The following GRIA1 variants were observed in gnomAD, a reference collection of about 807,000 sequenced individuals.
The protein encoded by GRIA1 is glutamate receptor 1.
GRIA1 carries 31 observed loss-of-function variants against 99.2 expected under a neutral mutation model. The ratio of observed to expected loss-of-function variants is 0.31; its 90% CI spans 0.23 to 0.42. The LOEUF is 0.42. GRIA1 is among the 10% of genes least tolerant of loss of function. GRIA1 has a pLI of 1.00. For synonymous variants in GRIA1, 438 were observed against 432.4 expected (o/e 1.01, Z -0.16); for missense variants, 782 against 1,157.5 (o/e 0.68, Z 4.71).
chr5:153,582,274 C>A (rs1169841538), intron 2 of GRIA1, among the ~76,000 whole-genome samples: 1 of 152,122 alleles, frequency 6.6e-6, no homozygotes, highest in Non-Finnish European at 1.5e-5. Flanking sequence ...GGGACCTTGG[C>A]AAATTATAGC....
Position 153,650,330 on chromosome 5 carries a change from G to C in GRIA1, c.461G>C (p.Gly154Ala), listed in dbSNP as rs751584502. The change falls in exon 4 of 16, where the codon GGC becomes GCC. Residue 154 changes from glycine to alanine, a missense_variant and splice_region_variant. Physicochemically the swap from Gly to Ala is moderately conservative, Grantham distance 60. Around this residue, in one of 5 missense-constraint regions of GRIA1, gnomAD observed 461 missense variants for 521.7 expected, o/e 0.88. Transcript: ENST00000285900. The stretch of plus-strand genomic sequence containing the variant: ...TCTCTTCTACTCATCTGAACTTTAG[G>C]CTTATCCGTCCTGCAGAAAGTCCTG... The part of the protein sequence containing the change: ...KFVYIYDADR[G>A]LSVLQKVLDT... 1.2e-6 allele frequency: 2 copies of C among 1,613,090 alleles called. No individual in the cohort carries two copies. The highest frequency in any genetic ancestry group is 3.3e-5 in the Admixed American group (2 of 59,956).
intron 5 of GRIA1, among the ~76,000 whole-genome samples, chr5:153,658,577 G>T (rs539721403): frequency 6.6e-6 from 1 of 152,260 alleles, no homozygotes; most frequent in South Asian, 2.1e-4. Flanking sequence ...AAACATAGTC[G>T]AGTATGTGGT....
At position 153,646,958 on chromosome 5, in the gene GRIA1, C is replaced by T. The variant is rs773903693; in HGVS notation, c.251C>T (p.Ala84Val). The T allele has an allele frequency of 1.9e-6, 3 of 1,613,700 alleles. No individual in the cohort carries two copies. The South Asian group carries it at 3.3e-5, about 18-fold the overall frequency. Residue 84 changes from alanine (A) to valine (V), a missense_variant, in exon 3 of 16, where the codon GCC becomes GTC. This residue lies in a region of GRIA1 where 461 missense variants were observed against 521.7 expected (regional missense o/e 0.88). Transcript: ENST00000285900. The stretch of plus-strand genomic sequence containing the variant: ...TCCCAGTTCTCCAAAGGAGTCTATG[C>T]CATCTTTGGGTTTTATGAACGTAGG... ...FCSQFSKGVY[A>V]IFGFYERRTV...
intron 4 of GRIA1, among the ~76,000 whole-genome samples, chr5:153,651,854 A>G (rs549303227): frequency 3.9e-5 from 6 of 152,200 alleles, no homozygotes; most frequent in Middle Eastern, 3.2e-3. Context: ...GCAGGATAAG[A>G]TAATAGTTAA....
intron 2 of GRIA1, among the ~76,000 whole-genome samples, chr5:153,506,319 GTGTGTGTGTGTGTGT>G (rs1561593636): frequency 2.3e-5 from 1 of 43,878 alleles, no homozygotes; most frequent in Non-Finnish European, 5.3e-5. Flanking sequence ...CAAGAAGGGT[GTGTGTGTGTGTGTGT>G]GTGTGTGTGT....
chr5:153,645,969 T>C (rs1208112437), intron 2 of GRIA1, among the ~76,000 whole-genome samples: 1 of 152,230 alleles, frequency 6.6e-6, no homozygotes, highest in Non-Finnish European at 1.5e-5. Context: ...GCATTGAAGA[T>C]GGCCTTGGGG....
chr5:153,733,185 G>A (rs1233336317), intron 11 of GRIA1, among the ~76,000 whole-genome samples: 1 of 151,836 alleles, frequency 6.6e-6, no homozygotes, highest in Non-Finnish European at 1.5e-5. Context: ...CATAGGAATT[G>A]TGACATCAAA....
chr5:153,569,131 C>T (rs1034252791), intron 2 of GRIA1, among the ~76,000 whole-genome samples: 2 of 152,152 alleles, frequency 1.3e-5, no homozygotes, highest in African/African-American at 4.8e-5. Context: ...AATTGTAGTT[C>T]ATGGAGAACA....
At chr5:153,587,155 G>A (rs1411406087) in intron 2 of GRIA1, among the ~76,000 whole-genome samples, 3 of 152,140 alleles carry the variant, frequency 2.0e-5, no homozygotes, top group East Asian at 3.9e-4. Flanking sequence ...CTAGTGGGAG[G>A]TGTGTGGGTC....
rs187589655 is a variant in GRIA1, at chr5:153,804,806, C to A, written c.2520+2316C>A. Among the ~76,000 whole-genome samples, 1,131 of 151,948 alleles carry A rather than the reference C, an allele frequency of 7.4e-3. 5 individuals are homozygous for A. Among genetic ancestry groups the A allele is most frequent in the South Asian group, 0.015 (74 of 4,816 alleles). On this transcript the variant is annotated intron_variant, in intron 15 of 15. Transcript: ENST00000285900. Reference sequence around the variant, plus strand: ...TTGCTCTGTTGGCCAGGCTGGAGTGCAGTGGCATGATCTCAGCTCACTGCA... The same window carrying A: ...TTGCTCTGTTGGCCAGGCTGGAGTGAAGTGGCATGATCTCAGCTCACTGCA...
At chr5:153,548,691 GA>G (rs1321124411) in intron 2 of GRIA1, among the ~76,000 whole-genome samples, 1 of 152,104 alleles carries the variant, frequency 6.6e-6, no homozygotes, top group East Asian at 1.9e-4. Flanking sequence ...TTTATCATGG[GA>G]AACTATAAAA....
At chr5:153,773,330 C>A (rs1764005322) in intron 13 of GRIA1, among the ~76,000 whole-genome samples, 1 of 152,220 alleles carries the variant, frequency 6.6e-6, no homozygotes, top group Non-Finnish European at 1.5e-5. Context: ...TCTAATGCTG[C>A]ACTGGGCTTT....
intron 5 of GRIA1, among the ~76,000 whole-genome samples, chr5:153,669,090 TACTC>T (rs1755962690): frequency 6.6e-6 from 1 of 152,228 alleles, no homozygotes. Flanking sequence ...TTAGGATGGA[TACTC>T]ACTCACTCAT....
intron 2 of GRIA1, among the ~76,000 whole-genome samples, chr5:153,603,508 A>C (rs1323563445): frequency 1.3e-5 from 2 of 150,906 alleles, no homozygotes; most frequent in African/African-American, 4.9e-5. Context: ...CATGTGCCCT[A>C]AAACTTAAAG....
chr5:153,633,256 C>T (rs1753107351), intron 2 of GRIA1, among the ~76,000 whole-genome samples: 2 of 152,218 alleles, frequency 1.3e-5, no homozygotes, highest in South Asian at 2.1e-4. Context: ...ATACTCCCTT[C>T]TTCCTTGCTT....
chr5:153,512,204 C>A (rs1437295757), intron 2 of GRIA1, among the ~76,000 whole-genome samples: 3 of 151,992 alleles, frequency 2.0e-5, no homozygotes, highest in African/African-American at 4.8e-5. Context: ...TTGCCCCAGG[C>A]CTTTAACTGA....
intron 2 of GRIA1, among the ~76,000 whole-genome samples, chr5:153,623,556 T>C (rs919788707): frequency 6.6e-6 from 1 of 152,194 alleles, no homozygotes; most frequent in Admixed American, 6.5e-5. Context: ...AACAAAGCAA[T>C]TGGTCTTACT....
At chr5:153,624,204 A>G (rs1559157) in intron 2 of GRIA1, among the ~76,000 whole-genome samples, 20,238 of 152,144 alleles carry the variant, frequency 0.13, 2,429 homozygotes, top group East Asian at 0.65. Flanking sequence ...GAAGAAGATG[A>G]CCTCCCCAAA....
At chr5:153,504,096 T>G (rs772791888) in intron 2 of GRIA1, among the ~76,000 whole-genome samples, 7 of 152,122 alleles carry the variant, frequency 4.6e-5, no homozygotes, top group South Asian at 2.1e-4. Context: ...CATGCTCATT[T>G]CTGAATATGA....
Sources: gnomAD v4.1 joint callset for allele counts (sites outside exome capture counted in the v4.1 genomes callset) on GRCh38, gnomAD v4.1.1 for gene constraint, gnomAD v4.1.1 regional missense constraint, MANE v1.5 for transcripts, NCBI Gene and HGNC (gene_info 2026-07-23, HGNC 2026-07-21) for gene names.